RAP1GAP2: variants seen among roughly 807,000 people sequenced by gnomAD.
The protein encoded by RAP1GAP2 is rap1 GTPase-activating protein 2.
RAP1GAP2 carries 27 observed loss-of-function variants against 95.0 expected under a neutral mutation model. The observed-to-expected ratio is 0.28, with a 90% CI of 0.21 to 0.39. RAP1GAP2 has a LOEUF of 0.39. RAP1GAP2 is among the 10% of genes least tolerant of loss of function. The probability of loss-of-function intolerance (pLI) is 1.00; values close to 1 mark genes in which losing one functional copy is unlikely to be tolerated. For synonymous variants in RAP1GAP2, 373 were observed against 380.9 expected (o/e 0.98, Z 0.24); for missense variants, 771 against 970.0 (o/e 0.79, Z 2.72).
upstream of RAP1GAP2, among the ~76,000 whole-genome samples, chr17:2,792,755 G>C (rs187447951): frequency 6.6e-6 from 1 of 152,240 alleles, no homozygotes; most frequent in Admixed American, 6.5e-5. Context: ...CACACCCCCC[G>C]GTGGGGGAAA....
chr17:3,032,434 C>A lies in RAP1GAP2; in HGVS notation c.*15C>A. The A allele has an allele frequency of 6.2e-7, 1 of 1,613,828 alleles. No individual in the cohort carries two copies. Among genetic ancestry groups the A allele is most frequent in the Non-Finnish European group, 8.5e-7 (1 of 1,179,752 alleles). On this transcript the variant is annotated 3_prime_UTR_variant, in exon 24 of 25. Coordinates refer to ENST00000254695, the MANE Select transcript of RAP1GAP2 (RefSeq NM_015085.5). The stretch of plus-strand genomic sequence containing the variant: ...AGGGTCACTAATGTGAAAGTGGAGT[C>A]CTTCGCCTGTCCAAGGTGGGTTGAG...
At chr17:2,792,240 C>T (rs1181050620), upstream of RAP1GAP2, among the ~76,000 whole-genome samples, 1 of 152,214 alleles carries the variant, frequency 6.6e-6, no homozygotes, top group Non-Finnish European at 1.5e-5. Context: ...GAAGAGGAAT[C>T]ACAGGGTCAG....
chr17:2,802,389 T>G (rs947334552), intron 2 of RAP1GAP2, among the ~76,000 whole-genome samples: 6 of 152,188 alleles, frequency 3.9e-5, no homozygotes, highest in Admixed American at 1.3e-4. Context: ...TTCCTGCCCT[T>G]CAAGAGCTTT....
intron 10 of RAP1GAP2, among the ~76,000 whole-genome samples, chr17:2,984,665 C>T (rs2045491222): frequency 6.6e-6 from 1 of 152,130 alleles, no homozygotes; most frequent in Non-Finnish European, 1.5e-5. Context: ...TTTTACACCA[C>T]AGATTCAACA....
At chr17:2,895,047 G>T (rs184626627) in intron 2 of RAP1GAP2, among the ~76,000 whole-genome samples, 1 of 152,212 alleles carries the variant, frequency 6.6e-6, no homozygotes, top group African/African-American at 2.4e-5. Flanking sequence ...GGCACTGTTT[G>T]TACTGTGTGT....
intron 12 of RAP1GAP2, among the ~76,000 whole-genome samples, chr17:2,994,112 G>A (rs1286869646): frequency 2.0e-5 from 3 of 152,166 alleles, no homozygotes; most frequent in Non-Finnish European, 4.4e-5. Flanking sequence ...AAGGTCCTCA[G>A]AGTTATGAAA....
chr17:2,763,271 A>G (rs533403392), intron 1 of RAP1GAP2, among the ~76,000 whole-genome samples: 1 of 152,310 alleles, frequency 6.6e-6, no homozygotes, highest in Admixed American at 6.5e-5. Flanking sequence ...CTGGCTTCGA[A>G]GACCAGAGGG....
intron 16 of RAP1GAP2, 143 bp downstream of exon 16, chr17:3,006,184 T>C: frequency 1.4e-6 from 1 of 704,016 alleles, no homozygotes; most frequent in Non-Finnish European, 2.3e-6. Context: ...TGGAGTGCAG[T>C]GGCATGATCT....
chr17:2,986,364 C>A (rs74365907), intron 11 of RAP1GAP2, among the ~76,000 whole-genome samples: 1,710 of 151,944 alleles, frequency 0.011, 34 homozygotes, highest in African/African-American at 0.039. Context: ...CTAATAAAAC[C>A]CCCTAATTAA....
At chr17:2,852,595 A>C (rs2071906981) in intron 2 of RAP1GAP2, among the ~76,000 whole-genome samples, 1 of 151,788 alleles carries the variant, frequency 6.6e-6, no homozygotes, top group Admixed American at 6.6e-5. Flanking sequence ...TATTAAAAAC[A>C]AAACAAAAAA....
intron 2 of RAP1GAP2, among the ~76,000 whole-genome samples, chr17:2,810,727 C>T (rs538028197): frequency 2.0e-5 from 3 of 151,994 alleles, no homozygotes; most frequent in Non-Finnish European, 4.4e-5. Flanking sequence ...GATGGGGTTT[C>T]ACCACGTTGG....
At chr17:2,764,461 G>A (rs1322738121) in intron 1 of RAP1GAP2, among the ~76,000 whole-genome samples, 2 of 151,770 alleles carry the variant, frequency 1.3e-5, no homozygotes, top group Non-Finnish European at 2.9e-5. Flanking sequence ...GGTGGCTCAC[G>A]CCTGTAATCC....
rs902616095 is a variant in RAP1GAP2, at chr17:3,027,881, T to C, written c.2107+811T>C. ...AATGTACGGGCTCAGTAGCAGGGGT[T>C]CAGAGAGAGCAGGAGTCTGGGCGTT... On this transcript the variant is annotated intron_variant, in intron 22 of 24. Coordinates refer to ENST00000254695, the MANE Select transcript of RAP1GAP2 (RefSeq NM_015085.5). The surrounding 1 kb of genome is among the most constrained non-coding windows in gnomAD (Gnocchi z 5.2). Among the ~76,000 whole-genome samples, 5 of 151,780 alleles carry C rather than the reference T, an allele frequency of 3.3e-5. No homozygotes were observed. The highest frequency in any genetic ancestry group is 3.3e-4 in the Admixed American group (5 of 15,236).
chr17:2,993,581 A>AAAAT (rs1034358608), intron 12 of RAP1GAP2, among the ~76,000 whole-genome samples: 1 of 137,330 alleles, frequency 7.3e-6, no homozygotes, highest in South Asian at 2.2e-4. Flanking sequence ...TAAAAAAAAA[A>AAAAT]AAATAAATAA....
Position 2,974,348 on chromosome 17 carries a change from CA to C in RAP1GAP2, c.597-5927del, listed in dbSNP as rs72111109. Among the ~76,000 whole-genome samples the C allele has an allele frequency of 3.2e-3, 424 of 131,554 alleles. 3 individuals are homozygous for C. In the East Asian group the frequency reaches 0.041, roughly 13 times the overall value. 86.3% of individuals were successfully genotyped at this position (131,554 alleles called of 152,430 possible). A position where few individuals can be genotyped will look rare whatever the true frequency, so the allele number is the denominator to read the frequency against. On this transcript the variant is annotated intron_variant, in intron 8 of 24. Transcript: ENST00000254695. ...TGGGCGAAAGAGCGAGATTCCATCTCAAAAAAAAAAAAGAAGGAAAATAACC... is the reference window on the plus strand; with the variant it reads ...TGGGCGAAAGAGCGAGATTCCATCTCAAAAAAAAAAAGAAGGAAAATAACC...
chr17:2,886,481 T>C (rs141344816), intron 2 of RAP1GAP2, among the ~76,000 whole-genome samples: 1 of 152,124 alleles, frequency 6.6e-6, no homozygotes, highest in South Asian at 2.1e-4. Context: ...CCATATGTAT[T>C]TATATTTACA....
chr17:2,967,325 C>T (rs545260063), intron 8 of RAP1GAP2, among the ~76,000 whole-genome samples: 42 of 152,198 alleles, frequency 2.8e-4, no homozygotes, highest in African/African-American at 7.7e-4. Context: ...GAGCAAGGAT[C>T]GCACCACTGC....
At position 3,026,050 on chromosome 17, in the gene RAP1GAP2, C is replaced by T; in HGVS notation, c.1794C>T (p.His598=). The T allele has an allele frequency of 6.2e-7, 1 of 1,613,848 alleles. No homozygotes were observed. The highest frequency in any genetic ancestry group is 1.1e-5 in the South Asian group (1 of 91,068). ...SSTPKTPDGG[H]SSQEIKSETS... is the part of the protein sequence containing the mutation. Reference sequence around the variant, plus strand: ...CACCCAAGACCCCAGATGGTGGACACTCCTCTCAGGAGATAAAGTCTGAGA... The same window carrying T: ...CACCCAAGACCCCAGATGGTGGACATTCCTCTCAGGAGATAAAGTCTGAGA... The change falls in exon 20 of 25, where the codon CAC becomes CAT. Residue 598 remains histidine, a synonymous_variant. Coordinates refer to ENST00000254695, the MANE Select transcript of RAP1GAP2 (RefSeq NM_015085.5).
chr17:2,885,262 G>A (rs1043598307), intron 2 of RAP1GAP2, among the ~76,000 whole-genome samples: 11 of 152,088 alleles, frequency 7.2e-5, no homozygotes, highest in African/African-American at 2.4e-4. Flanking sequence ...TCGAACTCCT[G>A]ACCTCGTGAT....
Sources: gnomAD v4.1 joint callset for allele counts (sites outside exome capture counted in the v4.1 genomes callset) on GRCh38, gnomAD v4.1.1 for gene constraint, Gnocchi (gnomAD v3.1) non-coding constraint, MANE v1.5 for transcripts, NCBI Gene and HGNC (gene_info 2026-07-23, HGNC 2026-07-21) for gene names.